Variants in SYT11 observed in about 807,000 individuals in gnomAD.
The protein encoded by SYT11 is synaptotagmin 11.
In SYT11, 12 loss-of-function variants were observed where a neutral mutation model predicts 30.4. The observed-to-expected ratio is 0.39, with a 90% CI of 0.25 to 0.64. SYT11 has a LOEUF of 0.64. Ranked by LOEUF, SYT11 falls within the 30% of genes least tolerant of loss-of-function variation. The pLI, the probability that SYT11 is intolerant of heterozygous loss-of-function variation, is 0.45. For missense variants in SYT11, 412 were observed against 552.0 expected, an observed-to-expected ratio of 0.75 and a Z score of 2.54; for synonymous variants, 204 against 216.0, an observed-to-expected ratio of 0.94 and a Z score of 0.49.
chr1:155,865,413 C>T (rs1165792723), intron 1 of SYT11, among the ~76,000 whole-genome samples: 1 of 151,814 alleles, frequency 6.6e-6, no homozygotes, highest in South Asian at 2.1e-4. Flanking sequence ...GGATCACTTG[C>T]GGTTAGGAGT....
rs1463849694 is a variant in SYT11, at chr1:155,868,603, G to A, written c.673G>A (p.Glu225Lys). ...LRKTLDPVFD[E>K]TFTFYGIPYS... ...GAAGACCCTGGACCCTGTGTTTGAC[G>A]AGACCTTCACCTTCTATGGCATCCC... The change falls in exon 2 of 4, where the codon GAG becomes AAG. Residue 225 changes from glutamate (E) to lysine (K), a missense_variant. Transcript: ENST00000368324. The surrounding 1 kb of genome is among the most constrained non-coding windows in gnomAD (Gnocchi z 4.7). 1 of 1,613,984 alleles carries A rather than the reference G, an allele frequency of 6.2e-7. No individual in the cohort carries two copies. Among genetic ancestry groups the A allele is most frequent in the Non-Finnish European group, 8.5e-7 (1 of 1,180,034 alleles).
Position 155,868,206 on chromosome 1 carries a change from G to A in SYT11, c.276G>A (p.Arg92=), listed in dbSNP as rs746556005. 2.5e-6 allele frequency: 4 copies of A among 1,614,176 alleles called. No homozygotes were observed. Among genetic ancestry groups the A allele is most frequent in the African/African-American group, 2.7e-5 (2 of 75,044 alleles). ...KDGPGREGGR[R]NLLVDAAEAG... ...GTCCTGGGAGGGAAGGTGGACGTAG[G>A]AACCTGTTGGTGGACGCAGCAGAGG... is the stretch of plus-strand genomic sequence containing the variant. Residue 92 remains arginine, a synonymous_variant, in exon 2 of 4, where the codon AGG becomes AGA. Coordinates refer to ENST00000368324, the MANE Select transcript of SYT11 (RefSeq NM_152280.5). This position sits in a 1 kb window ranked among gnomAD's most constrained non-coding sequence, Gnocchi z 4.7.
chr1:155,872,917 G>C (rs1024115586), intron 2 of SYT11, among the ~76,000 whole-genome samples: 4 of 152,132 alleles, frequency 2.6e-5, no homozygotes, highest in Non-Finnish European at 5.9e-5. Context: ...ATGGAGGACA[G>C]TTGCCTGAGG....
At chr1:155,871,324 A>T (rs993034547) in intron 2 of SYT11, among the ~76,000 whole-genome samples, 1 of 151,932 alleles carries the variant, frequency 6.6e-6, no homozygotes, top group Non-Finnish European at 1.5e-5. Context: ...TATTCCCTTC[A>T]CAGCAGCTCC....
chr1:155,868,134 C>A lies in SYT11; in HGVS notation c.204C>A (p.Thr68=), dbSNP rs137959271. The A allele has an allele frequency of 6.2e-7, 1 of 1,614,036 alleles. No individual in the cohort carries two copies. The highest frequency in any genetic ancestry group is 8.5e-7 in the Non-Finnish European group (1 of 1,180,018). The change falls in exon 2 of 4, where the codon ACC becomes ACA. Residue 68 remains threonine (T), a synonymous_variant. Transcript: ENST00000368324. The surrounding 1 kb of genome is among the most constrained non-coding windows in gnomAD (Gnocchi z 4.7). The part of the protein sequence containing the change: ...MLKGISIYPE[T]LSNKKKIIKV... ...AAGGCATCAGCATATACCCAGAGAC[C>A]CTCAGCAACAAGAAGAAAATCATCA...
In SYT11 at chr1:155,884,071, A is replaced by G. The variant is rs962188050; in HGVS notation, c.*2563A>G. 6.5e-6 allele frequency: 1 copy of G among 152,776 alleles called. No individual in the cohort carries two copies. Among genetic ancestry groups the G allele is most frequent in the Non-Finnish European group, 1.5e-5 (1 of 68,040 alleles). 9.5% of individuals were successfully genotyped at this position (152,776 alleles called of 1,614,324 possible). A position where few individuals can be genotyped will look rare whatever the true frequency, so the allele number is the denominator to read the frequency against. On this transcript the variant is annotated 3_prime_UTR_variant, in exon 4 of 4. Coordinates refer to ENST00000368324, the MANE Select transcript of SYT11 (RefSeq NM_152280.5). Reference sequence around the variant, plus strand: ...TTTGAGATAGTTTAATGTAAATCTGACAGGAGCATTCTGAAGCCCCATTAG... The same window carrying G: ...TTTGAGATAGTTTAATGTAAATCTGGCAGGAGCATTCTGAAGCCCCATTAG...
chr1:155,859,609 A>G lies in SYT11; in HGVS notation c.-153A>G. Reference sequence around the variant, plus strand: ...TCTTAAGAGCTGAGCGCAGCTGACAACTAGGGGCCGGACCGTCGCAGGAGG... The same window carrying G: ...TCTTAAGAGCTGAGCGCAGCTGACAGCTAGGGGCCGGACCGTCGCAGGAGG... On this transcript the variant is annotated 5_prime_UTR_variant, in exon 1 of 4. Coordinates refer to ENST00000368324, the MANE Select transcript of SYT11 (RefSeq NM_152280.5). 9.7e-6 allele frequency: 7 copies of G among 725,130 alleles called. No individual in the cohort carries two copies. The South Asian group carries it at 1.1e-4, about 11-fold the overall frequency. 44.9% of individuals were successfully genotyped at this position (725,130 alleles called of 1,614,324 possible).
chr1:155,859,893 C>CCAGCCCCA, intron 1 of SYT11, 98 bp downstream of exon 1: 1 of 1,194,936 alleles, frequency 8.4e-7, no homozygotes. Context: ...CAGACCAGAG[C>CCAGCCCCA]CTTCAAAATG....
Position 155,882,736 on chromosome 1 carries a change from C to CT in SYT11, c.*1231dup, listed in dbSNP as rs1672999311. 5 of 152,510 alleles carry CT rather than the reference C, an allele frequency of 3.3e-5. No individual in the cohort carries two copies. The South Asian group carries it at 1.0e-3, about 32-fold the overall frequency. 9.4% of individuals were successfully genotyped at this position (152,510 alleles called of 1,614,324 possible). On this transcript the variant is annotated 3_prime_UTR_variant, in exon 4 of 4. Coordinates refer to ENST00000368324, the MANE Select transcript of SYT11 (RefSeq NM_152280.5). ...GAGACAAGTGACGACAGCCATTCCC[C>CT]TTTGCAGCTATCTACTGTAGTGACA...
chr1:155,881,159 G>A, intron 3 of SYT11, 39 bp from the exon 4 acceptor site: 1 of 1,583,696 alleles, frequency 6.3e-7, no homozygotes, highest in African/African-American at 1.3e-5. Flanking sequence ...CTGTGTCATA[G>A]GTCTGTCTCC....
intron 2 of SYT11, among the ~76,000 whole-genome samples, chr1:155,875,060 C>A (rs1672839745): frequency 6.7e-6 from 1 of 148,998 alleles, no homozygotes; most frequent in Non-Finnish European, 1.5e-5. Context: ...TGAGACTAGC[C>A]TGGCCAATGT....
intron 2 of SYT11, among the ~76,000 whole-genome samples, chr1:155,869,103 C>T (rs1218071572): frequency 6.6e-6 from 1 of 152,106 alleles, no homozygotes; most frequent in East Asian, 1.9e-4. Context: ...TTCATTATAT[C>T]AGGGATATGG....
At position 155,876,077 on chromosome 1, in the gene SYT11, T is replaced by C. The variant is rs1175976879; in HGVS notation, c.862-4423T>C. Among the ~76,000 whole-genome samples the C allele has an allele frequency of 5.9e-5, 9 of 152,068 alleles. No homozygotes were observed. In the East Asian group the frequency reaches 1.7e-3, roughly 29 times the overall value. The stretch of plus-strand genomic sequence containing the variant: ...GGGTGTGTGGTGTATATAAGGTTGG[T>C]GATGAGCATAGTCTATTTTTGCTCA... On this transcript the variant is annotated intron_variant, in intron 2 of 3. Coordinates refer to ENST00000368324, the MANE Select transcript of SYT11 (RefSeq NM_152280.5).
chr1:155,879,193 G>T (rs1410989111), intron 2 of SYT11, among the ~76,000 whole-genome samples: 3 of 152,114 alleles, frequency 2.0e-5, no homozygotes, highest in African/African-American at 7.2e-5. Context: ...GAGGTAGACA[G>T]ATCACTTGAG....
rs200496974 is a variant in SYT11, at chr1:155,868,733, T to C, written c.803T>C (p.Val268Ala). 6.8e-6 allele frequency: 11 copies of C among 1,611,586 alleles called. No individual in the cohort carries two copies. Among genetic ancestry groups the C allele is most frequent in the Non-Finnish European group, 9.3e-6 (11 of 1,179,188 alleles). ...GAGGTCATGGTGCCACTGGCAGGGGTGGACCCCAGCACAGGCAAGGTACAA... is the reference window on the plus strand; with the variant it reads ...GAGGTCATGGTGCCACTGGCAGGGGCGGACCCCAGCACAGGCAAGGTACAA... ...IGEVMVPLAG[V>A]DPSTGKVQLT... The change falls in exon 2 of 4, where the codon GTG (valine) becomes GCG (alanine). Residue 268 changes from valine to alanine, a missense_variant. Physicochemically the swap from Val to Ala is moderately conservative, Grantham distance 64 (BLOSUM62 0). Coordinates refer to ENST00000368324, the MANE Select transcript of SYT11 (RefSeq NM_152280.5). The surrounding 1 kb of genome is among the most constrained non-coding windows in gnomAD (Gnocchi z 4.7).
chr1:155,871,691 G>T (rs1343539380), intron 2 of SYT11, among the ~76,000 whole-genome samples: 1 of 152,282 alleles, frequency 6.6e-6, no homozygotes, highest in East Asian at 1.9e-4. Context: ...CTAGGATCCT[G>T]AGCAACACAT....
intron 1 of SYT11, among the ~76,000 whole-genome samples, chr1:155,863,342 A>C (rs142443525): frequency 6.6e-6 from 1 of 152,212 alleles, no homozygotes; most frequent in Admixed American, 6.5e-5. Context: ...AGTCCCAGCT[A>C]TTCAGGAGTC....
intron 3 of SYT11, 60 bp from the exon 4 acceptor site, chr1:155,881,138 A>G (rs1161820707): frequency 6.6e-7 from 1 of 1,524,340 alleles, no homozygotes; most frequent in African/African-American, 1.4e-5. Flanking sequence ...TTACCATTAC[A>G]TAGGAGAGGA....
chr1:155,877,105 C>G (rs1234816397), intron 2 of SYT11, among the ~76,000 whole-genome samples: 1 of 151,500 alleles, frequency 6.6e-6, no homozygotes. Flanking sequence ...GTAGCTGGGA[C>G]TACAGGCACC....
Sources: allele counts gnomAD v4.1 joint callset (sites outside exome capture counted in the v4.1 genomes callset), GRCh38; gene constraint gnomAD v4.1.1; non-coding constraint Gnocchi (gnomAD v3.1); transcripts MANE v1.5; gene names NCBI Gene and HGNC (gene_info 2026-07-23, HGNC 2026-07-21).